The following DPYD variants were observed in gnomAD, a reference collection of about 807,000 sequenced individuals.
The protein encoded by DPYD is dihydropyrimidine dehydrogenase [NADP(+)].
Under a neutral mutation model 116.2 loss-of-function variants are expected in DPYD, and 109 were observed. That is an observed-to-expected ratio of 0.94 (90% CI 0.80 to 1.10). DPYD has a LOEUF of 1.10. DPYD is among the 50% of genes least tolerant of loss of function. DPYD has a pLI of 0.00. For missense variants in DPYD, 1,302 were observed against 1,254.5 expected (o/e 1.04, Z -0.57); for synonymous variants, 440 against 432.0 (o/e 1.02, Z -0.23).
At chr1:97,163,950 G>C (rs558215786) in intron 20 of DPYD, among the ~76,000 whole-genome samples, 1 of 152,082 alleles carries the variant, frequency 6.6e-6, no homozygotes, top group Non-Finnish European at 1.5e-5. Context: ...AAAATGGCAA[G>C]TTGAAAAGTT....
At chr1:97,794,070 T>C (rs1667451609) in intron 3 of DPYD, among the ~76,000 whole-genome samples, 2 of 152,268 alleles carry the variant, frequency 1.3e-5, no homozygotes, top group South Asian at 4.1e-4. Flanking sequence ...CCCAAGTAGC[T>C]GGGACTACAG....
At chr1:97,603,341 A>G (rs1490334460) in intron 8 of DPYD, among the ~76,000 whole-genome samples, 1 of 152,090 alleles carries the variant, frequency 6.6e-6, no homozygotes, top group Non-Finnish European at 1.5e-5. Flanking sequence ...ACAAATTTGC[A>G]ACAGCCACCT....
rs1319681736 is a variant in DPYD at position 97,193,249 on chromosome 1, C to A, written c.2443-1G>T. ...CCTGATTCTGAATGGCACTGCATAC[C>A]TAGAAAAGACAGAGCAGTCAACCAA... On this transcript the variant is annotated splice_acceptor_variant, in intron 19 of 22. Transcript: ENST00000370192. LOFTEE classifies it high-confidence loss of function. 3 of 1,612,832 alleles carry A rather than the reference C, an allele frequency of 1.9e-6. No homozygotes were observed. The African/African-American group carries it at 4.0e-5, about 22-fold the overall frequency.
intron 13 of DPYD, among the ~76,000 whole-genome samples, chr1:97,509,117 T>C (rs1038709428): frequency 1.3e-5 from 2 of 151,968 alleles, no homozygotes; most frequent in African/African-American, 4.8e-5. Flanking sequence ...TAATATCATG[T>C]GAAGCAAAGG....
rs559317111 is a variant in DPYD, at chr1:97,863,225, G to T, written c.150+20039C>A. Among the ~76,000 whole-genome samples, 11 of 151,872 alleles carry T rather than the reference G, an allele frequency of 7.2e-5. No individual in the cohort carries two copies. In the East Asian group the frequency reaches 7.8e-4, roughly 11 times the overall value. On this transcript the variant is annotated intron_variant, in intron 2 of 22. Transcript: ENST00000370192. ...GTTACCCTCCCCTTTCTTTGATAAA[G>T]AAATGCCATATGATCATCAGAATAT...
intron 18 of DPYD, among the ~76,000 whole-genome samples, chr1:97,244,602 T>A (rs529098111): frequency 3.7e-4 from 57 of 152,158 alleles, no homozygotes; most frequent in Non-Finnish European, 6.8e-4. Flanking sequence ...GTACTCTCTT[T>A]GGAAACAAGA....
Position 97,372,356 on chromosome 1 carries a change from C to A in DPYD, c.2058+1205G>T, listed in dbSNP as rs1009560372. ...TTTAAGGAATCCTTCTCATTTTAAT[C>A]ACATTACTTAAATGCTACTATCTAA... On this transcript the variant is annotated intron_variant, in intron 16 of 22. Coordinates refer to ENST00000370192, the MANE Select transcript of DPYD (RefSeq NM_000110.4). Among the ~76,000 whole-genome samples, 29 of 152,054 alleles carry A rather than the reference C, an allele frequency of 1.9e-4. 1 individual carries two copies. The highest frequency in any genetic ancestry group is 1.8e-3 in the Admixed American group (28 of 15,248).
intron 12 of DPYD, among the ~76,000 whole-genome samples, chr1:97,525,789 A>AGAGAGT (rs1431555133): frequency 2.3e-4 from 33 of 142,702 alleles, no homozygotes; most frequent in African/African-American, 7.7e-4. Context: ...AGAGAGAGAG[A>AGAGAGT]GTGTGTGTGT....
chr1:97,748,064 T>A (rs901066476), intron 3 of DPYD, among the ~76,000 whole-genome samples: 8 of 152,186 alleles, frequency 5.3e-5, no homozygotes, highest in Admixed American at 2.0e-4. Context: ...ATGTATAATG[T>A]TTTATAATTA....
intron 13 of DPYD, among the ~76,000 whole-genome samples, chr1:97,514,014 CA>C (rs1375709589): frequency 6.6e-6 from 1 of 151,842 alleles, no homozygotes; most frequent in Non-Finnish European, 1.5e-5. Context: ...TACCCACCAT[CA>C]AAGTAAGTAA....
At chr1:97,196,021 G>A (rs1200537698) in intron 19 of DPYD, among the ~76,000 whole-genome samples, 2 of 152,122 alleles carry the variant, frequency 1.3e-5, no homozygotes, top group East Asian at 3.9e-4. Flanking sequence ...TATGCAGCCA[G>A]GTCACATTTC....
chr1:97,323,601 TG>T (rs1668524496), intron 16 of DPYD, among the ~76,000 whole-genome samples: 1 of 87,428 alleles, frequency 1.1e-5, no homozygotes, highest in South Asian at 4.1e-4. Context: ...TACATATATG[TG>T]TATATATACA....
At chr1:97,828,754 G>C (rs979400937) in intron 2 of DPYD, among the ~76,000 whole-genome samples, 1 of 151,794 alleles carries the variant, frequency 6.6e-6, no homozygotes, top group Admixed American at 6.6e-5. Flanking sequence ...ATTTACAACT[G>C]CACATATATA....
At chr1:97,610,082 T>C (rs1011667883) in intron 8 of DPYD, among the ~76,000 whole-genome samples, 1 of 152,032 alleles carries the variant, frequency 6.6e-6, no homozygotes, top group South Asian at 2.1e-4. Flanking sequence ...TTAAATCAAC[T>C]ATCAAATTTT....
chr1:97,232,984 A>G (rs919273898), intron 19 of DPYD, among the ~76,000 whole-genome samples: 1 of 152,082 alleles, frequency 6.6e-6, no homozygotes. Flanking sequence ...AATCTTGACA[A>G]TTTTGGTATA....
intron 14 of DPYD, among the ~76,000 whole-genome samples, chr1:97,408,586 T>G (rs1673803400): frequency 6.6e-6 from 1 of 152,158 alleles, no homozygotes; most frequent in East Asian, 1.9e-4. Flanking sequence ...GTGTATGGGT[T>G]CATGTTGACA....
chr1:97,752,085 GT>G (rs1405330169), intron 3 of DPYD, among the ~76,000 whole-genome samples: 1 of 151,974 alleles, frequency 6.6e-6, no homozygotes, highest in East Asian at 1.9e-4. Context: ...TGTGTGTGTA[GT>G]TTTTTTCTTT....
chr1:97,619,253 A>G (rs1419980642), intron 8 of DPYD, among the ~76,000 whole-genome samples: 1 of 152,200 alleles, frequency 6.6e-6, no homozygotes, highest in Non-Finnish European at 1.5e-5. Flanking sequence ...GAGATGCCTA[A>G]TAACATTATT....
chr1:97,337,602 C>A (rs1341835869), intron 16 of DPYD, among the ~76,000 whole-genome samples: 1 of 151,670 alleles, frequency 6.6e-6, no homozygotes, highest in Non-Finnish European at 1.5e-5. Context: ...CCTCCTAGGC[C>A]TTTTGCTAAG....
Sources: allele counts gnomAD v4.1 joint callset (sites outside exome capture counted in the v4.1 genomes callset), GRCh38; gene constraint gnomAD v4.1.1; transcripts MANE v1.5; gene names NCBI Gene and HGNC (gene_info 2026-07-23, HGNC 2026-07-21).